Variants in TFPI observed in about 807,000 individuals in gnomAD.
TFPI encodes anti-convertin.
In TFPI, 15 loss-of-function variants were observed where a neutral mutation model predicts 34.6. The observed-to-expected ratio is 0.43, with a 90% CI of 0.29 to 0.67. The LOEUF is 0.67. Among genes scored for constraint, TFPI ranks in the 30% least tolerant of loss-of-function variants. The pLI, the probability that TFPI is intolerant of heterozygous loss-of-function variation, is 0.15. For synonymous variants in TFPI, 105 were observed against 120.1 expected (o/e 0.87, Z 0.82); for missense variants, 301 against 364.0 (o/e 0.83, Z 1.41).
intron 1 of TFPI, among the ~76,000 whole-genome samples, chr2:187,539,085 A>AGT (rs10608725): frequency 3.5e-4 from 53 of 150,276 alleles, no homozygotes; most frequent in African/African-American, 1.1e-3. Flanking sequence ...GCCTAAATAG[A>AGT]GTGTGTGTGT....
chr2:187,509,788 A>T (rs565566113), intron 1 of TFPI, among the ~76,000 whole-genome samples: 1 of 151,984 alleles, frequency 6.6e-6, no homozygotes, highest in Non-Finnish European at 1.5e-5. Flanking sequence ...TCCTGTCTCT[A>T]TCTCCTTCAG....
rs1692553835 is a variant in TFPI at position 187,478,589 on chromosome 2, T to A, written c.628+5535A>T. ...GTGAGAAGACTATGTTTACTATGCATGTAAATATTAAAACTTTATTAGCAG... is the reference window on the plus strand; with the variant it reads ...GTGAGAAGACTATGTTTACTATGCAAGTAAATATTAAAACTTTATTAGCAG... On this transcript the variant is annotated intron_variant, in intron 6 of 7. Transcript: ENST00000233156. 2.0e-6 allele frequency: 3 copies of A among 1,484,454 alleles called. No homozygotes were observed. The African/African-American group carries it at 4.2e-5, about 21-fold the overall frequency. The allele number at this position is 1,484,454 out of a possible 1,614,324, so 92.0% of individuals were successfully genotyped here.
At chr2:187,543,709 A>C (rs1216005184) in intron 1 of TFPI, among the ~76,000 whole-genome samples, 3 of 152,210 alleles carry the variant, frequency 2.0e-5, no homozygotes, top group African/African-American at 4.8e-5. Flanking sequence ...GATTCCATTA[A>C]CTTTATAGTG....
intron 1 of TFPI, among the ~76,000 whole-genome samples, chr2:187,510,979 G>A (rs564443504): frequency 6.6e-6 from 1 of 152,180 alleles, no homozygotes; most frequent in Admixed American, 6.5e-5. Context: ...CAGGAAGCGA[G>A]GTGATTAACA....
At chr2:187,500,176 T>C (rs1685758439) in intron 2 of TFPI, among the ~76,000 whole-genome samples, 1 of 152,208 alleles carries the variant, frequency 6.6e-6, no homozygotes, top group Non-Finnish European at 1.5e-5. Flanking sequence ...ATAAACTCGC[T>C]GTAGTAGTTG....
chr2:187,529,652 T>A (rs1687858942), intron 1 of TFPI, among the ~76,000 whole-genome samples: 1 of 152,174 alleles, frequency 6.6e-6, no homozygotes, highest in Admixed American at 6.5e-5. Flanking sequence ...ATCCAACATT[T>A]TGGGGAAACA....
At position 187,508,498 on chromosome 2, in the gene TFPI, C is replaced by G. The variant is rs192941521; in HGVS notation, c.-2-4728G>C. ...CTTTTATTTCCTTGAGCAGTTGTTT[C>G]TAGATCTCCTTGAAGAGGTCCCTCA... On this transcript the variant is annotated intron_variant, in intron 1 of 7. Coordinates refer to ENST00000233156, the MANE Select transcript of TFPI (RefSeq NM_006287.6). Among the ~76,000 whole-genome samples the G allele has an allele frequency of 4.5e-3, 682 of 152,168 alleles. 2 individuals carry two copies. Among genetic ancestry groups the G allele is most frequent in the African/African-American group, 9.2e-3 (381 of 41,532 alleles).
At chr2:187,498,597 C>T (rs1164690084) in intron 2 of TFPI, among the ~76,000 whole-genome samples, 2 of 151,704 alleles carry the variant, frequency 1.3e-5, no homozygotes, top group Admixed American at 1.3e-4. Context: ...TTTTTGAACA[C>T]GTAAATTTTA....
chr2:187,513,889 G>A (rs1382343315), intron 1 of TFPI: 2 of 152,176 alleles, frequency 1.3e-5, no homozygotes, highest in Non-Finnish European at 2.9e-5. Flanking sequence ...GTTATACCCT[G>A]TGGGGACTTA....
intron 1 of TFPI, chr2:187,516,240 G>A (rs1408839758): frequency 6.6e-6 from 1 of 152,108 alleles, no homozygotes; most frequent in Non-Finnish European, 1.5e-5. Flanking sequence ...AACAATTGCT[G>A]TTTGCACATA....
chr2:187,514,775 A>T (rs1269506892), intron 1 of TFPI: 2 of 152,254 alleles, frequency 1.3e-5, no homozygotes, highest in Middle Eastern at 3.2e-3. Flanking sequence ...GAAGCCCCTT[A>T]TGGGCCTTTC....
chr2:187,546,203 G>A (rs1688848663), intron 1 of TFPI, among the ~76,000 whole-genome samples: 1 of 151,048 alleles, frequency 6.6e-6, no homozygotes, highest in African/African-American at 2.4e-5. Flanking sequence ...CCTGTTCTAT[G>A]TATAGTTGTC....
At position 187,467,007 on chromosome 2, in the gene TFPI, T is replaced by C. The variant is rs373189356; in HGVS notation, c.844A>G (p.Lys282Glu). 1.3e-6 allele frequency: 2 copies of C among 1,590,190 alleles called. No individual in the cohort carries two copies. Among genetic ancestry groups the C allele is most frequent in the African/African-American group, 2.7e-5 (2 of 74,144 alleles). Residue 282 changes from lysine (K) to glutamate (E), a missense_variant, in exon 8 of 8, where the codon AAA (lysine) becomes GAA (glutamate). Lys to Glu is a moderately conservative substitution (Grantham distance 56, BLOSUM62 1). Transcript: ENST00000233156. ...TGCTTCTTTCTTTTTCTTTTGGTTT[T>C]AATTAGGCCTCCTTTTGATATTCTT... is the stretch of plus-strand genomic sequence containing the variant. ...IQRISKGGLI[K>E]TKRKRKKQRV...
chr2:187,545,236 A>G (rs533070469), intron 1 of TFPI, among the ~76,000 whole-genome samples: 30 of 152,324 alleles, frequency 2.0e-4, no homozygotes, highest in Non-Finnish European at 3.7e-4. Context: ...TATAGAATTA[A>G]TATTTTTGTT....
chr2:187,531,965 C>T (rs1388265490), intron 1 of TFPI, among the ~76,000 whole-genome samples: 1 of 151,738 alleles, frequency 6.6e-6, no homozygotes, highest in Non-Finnish European at 1.5e-5. Context: ...TTATTTTTAG[C>T]TACATATTTA....
intron 1 of TFPI, among the ~76,000 whole-genome samples, chr2:187,548,096 CAGAA>C (rs1051252200): frequency 9.2e-5 from 14 of 152,012 alleles, no homozygotes; most frequent in African/African-American, 3.1e-4. Context: ...CAGAGTTATA[CAGAA>C]AGAAAGATCC....
At chr2:187,469,690 G>C (rs1445630960) in intron 6 of TFPI, among the ~76,000 whole-genome samples, 1 of 152,042 alleles carries the variant, frequency 6.6e-6, no homozygotes, top group Non-Finnish European at 1.5e-5. Flanking sequence ...TTGTACATTA[G>C]ATCTCTAGGC....
chr2:187,468,274 C>G (rs1326482871), intron 6 of TFPI, among the ~76,000 whole-genome samples: 3 of 151,770 alleles, frequency 2.0e-5, no homozygotes, highest in Non-Finnish European at 4.4e-5. Context: ...CACACACACA[C>G]ACACACACAC....
intron 1 of TFPI, chr2:187,544,640 G>A: frequency 3.5e-5 from 1 of 28,388 alleles, no homozygotes; most frequent in East Asian, 6.1e-4. Flanking sequence ...GACTTCATCT[G>A]GAAAAAAAAA....
Sources: gnomAD v4.1 joint callset for allele counts (sites outside exome capture counted in the v4.1 genomes callset) on GRCh38, gnomAD v4.1.1 for gene constraint, MANE v1.5 for transcripts, NCBI Gene and HGNC (gene_info 2026-07-23, HGNC 2026-07-21) for gene names.